Variants in PRKN observed in about 807,000 individuals in gnomAD.
PRKN encodes parkin RBR E3 ubiquitin protein ligase.
A neutral mutation model predicts 59.5 loss-of-function variants in PRKN; 56 were observed. The ratio of observed to expected loss-of-function variants is 0.94; its 90% CI spans 0.76 to 1.18. The LOEUF (loss-of-function observed/expected upper bound fraction) is 1.18. Among genes scored for constraint, PRKN ranks in the 50% most tolerant of loss-of-function variants. The probability of loss-of-function intolerance (pLI) is 0.00; values close to 1 mark genes in which losing one functional copy is unlikely to be tolerated. For missense variants in PRKN, 657 were observed against 596.4 expected, an observed-to-expected ratio of 1.10 and a Z score of -1.06; for synonymous variants, 250 against 222.1, an observed-to-expected ratio of 1.13 and a Z score of -1.12.
intron 6 of PRKN, among the ~76,000 whole-genome samples, chr6:161,906,996 C>T (rs1778175002): frequency 6.6e-6 from 1 of 152,060 alleles, no homozygotes; most frequent in Non-Finnish European, 1.5e-5. Flanking sequence ...TCTGCCTCTC[C>T]CAGTCCACTG....
intron 6 of PRKN, among the ~76,000 whole-genome samples, chr6:161,962,752 GTCTTGAAC>G: frequency 6.6e-6 from 1 of 151,730 alleles, no homozygotes; most frequent in African/African-American, 2.4e-5. Context: ...TGTCAGGCTG[GTCTTGAAC>G]TCCTGACCTC....
intron 7 of PRKN, among the ~76,000 whole-genome samples, chr6:161,694,110 G>A (rs746135112): frequency 2.6e-5 from 4 of 152,158 alleles, no homozygotes; most frequent in African/African-American, 7.2e-5. Context: ...CTTGACACAC[G>A]AAAGCCCCTT....
intron 6 of PRKN, among the ~76,000 whole-genome samples, chr6:161,952,979 G>A (rs1231933115): frequency 1.3e-5 from 2 of 152,148 alleles, no homozygotes; most frequent in South Asian, 2.1e-4. Flanking sequence ...ACATGCCCAC[G>A]TGAGCAGAGA....
At chr6:162,346,049 C>A (rs143564144) in intron 2 of PRKN, among the ~76,000 whole-genome samples, 192 of 152,216 alleles carry the variant, frequency 1.3e-3, no homozygotes, top group Non-Finnish European at 2.0e-3. Context: ...GGAGAAAGGT[C>A]CTGACCAGAT....
intron 6 of PRKN, among the ~76,000 whole-genome samples, chr6:161,893,703 T>C (rs753921227): frequency 2.0e-5 from 3 of 152,174 alleles, no homozygotes; most frequent in Non-Finnish European, 2.9e-5. Flanking sequence ...TGGCAAATAA[T>C]AACTCAACAA....
At chr6:161,944,573 C>T (rs1779712414) in intron 6 of PRKN, among the ~76,000 whole-genome samples, 1 of 152,140 alleles carries the variant, frequency 6.6e-6, no homozygotes, top group African/African-American at 2.4e-5. Flanking sequence ...ATTGTCCTTT[C>T]CCCTAGATGA....
At chr6:162,505,038 T>C (rs1377404677) in intron 1 of PRKN, among the ~76,000 whole-genome samples, 1 of 152,092 alleles carries the variant, frequency 6.6e-6, no homozygotes, top group Non-Finnish European at 1.5e-5. Flanking sequence ...ATTCCGAAGA[T>C]ACTAAGGGAG....
At chr6:162,215,059 T>C (rs933562923) in intron 3 of PRKN, among the ~76,000 whole-genome samples, 1 of 152,108 alleles carries the variant, frequency 6.6e-6, no homozygotes. Context: ...GAAATACCAC[T>C]TCCTCTAGGA....
chr6:162,635,770 AC>A (rs1259244464), intron 1 of PRKN, among the ~76,000 whole-genome samples: 1 of 152,162 alleles, frequency 6.6e-6, no homozygotes, highest in East Asian at 1.9e-4. Context: ...TGATGATTCC[AC>A]CAATAATTGT....
rs548838597 is a variant in PRKN at position 162,051,628 on chromosome 6, C to G, written c.618+2463G>C. Among the ~76,000 whole-genome samples, 29 of 152,254 alleles carry G rather than the reference C, an allele frequency of 1.9e-4. No homozygotes were observed. The East Asian group carries it at 2.7e-3, about 14-fold the overall frequency. ...TGCCAAGGGCCACAGAGTTGTGAGG[C>G]CTTCGGGGGCGATGATGGACTTTCT... On this transcript the variant is annotated intron_variant, in intron 5 of 11. Coordinates refer to ENST00000366898, the MANE Select transcript of PRKN (RefSeq NM_004562.3).
At position 162,172,462 on chromosome 6, in the gene PRKN, CG is replaced by C. The variant is rs555292663; in HGVS notation, c.534+28668del. Among the ~76,000 whole-genome samples, 393 of 152,250 alleles carry C rather than the reference CG, an allele frequency of 2.6e-3. 5 individuals are homozygous for C. In the Middle Eastern group the frequency reaches 0.031, roughly 12 times the overall value. ...ACTCCTTCATCCAGCAGAGCCAGGC[CG>C]GCCCACACCCCACACTCTTACCACA... On this transcript the variant is annotated intron_variant, in intron 4 of 11. Coordinates refer to ENST00000366898, the MANE Select transcript of PRKN (RefSeq NM_004562.3).
rs397712852 is a variant in PRKN at position 162,491,105 on chromosome 6, G to GAA, written c.8-47634_8-47633dup. On this transcript the variant is annotated intron_variant, in intron 1 of 11. Transcript: ENST00000366898. ...GTGACAAGAGTGAAACTCTGTCTCA[G>GAA]AAAAAAAAAAAAAAATTAGCCAGGT... 6.3e-3 allele frequency among the ~76,000 whole-genome samples: 867 copies of GAA among 138,240 alleles called. 14 individuals are homozygous for GAA. Among genetic ancestry groups the GAA allele is most frequent in the African/African-American group, 0.02 (752 of 37,286 alleles). The allele number at this position is 138,240 out of a possible 152,430, so 90.7% of individuals were successfully genotyped here. A position where few individuals can be genotyped will look rare whatever the true frequency, so the allele number is the denominator to read the frequency against.
At chr6:161,506,914 T>A (rs1197697961) in intron 9 of PRKN, among the ~76,000 whole-genome samples, 1 of 152,122 alleles carries the variant, frequency 6.6e-6, no homozygotes, top group Non-Finnish European at 1.5e-5. Context: ...TGGGCAAGGC[T>A]GCCACGGAGC....
intron 6 of PRKN, among the ~76,000 whole-genome samples, chr6:161,965,904 G>C (rs1489267803): frequency 6.6e-6 from 1 of 152,022 alleles, no homozygotes; most frequent in Non-Finnish European, 1.5e-5. Context: ...GACAATAGAG[G>C]ACAAATGTCT....
chr6:162,247,013 A>G (rs1779227009), intron 3 of PRKN, among the ~76,000 whole-genome samples: 1 of 152,066 alleles, frequency 6.6e-6, no homozygotes, highest in Admixed American at 6.6e-5. Context: ...CCCTTTAGTT[A>G]TACATACTAT....
chr6:162,068,500 C>T (rs1430888149), intron 4 of PRKN, among the ~76,000 whole-genome samples: 7 of 152,170 alleles, frequency 4.6e-5, no homozygotes, highest in African/African-American at 7.2e-5. Flanking sequence ...TCCATTACAG[C>T]AAAACTAGCT....
At chr6:161,647,862 A>C (rs1784013176) in intron 7 of PRKN, among the ~76,000 whole-genome samples, 1 of 152,234 alleles carries the variant, frequency 6.6e-6, no homozygotes, top group Non-Finnish European at 1.5e-5. Flanking sequence ...AAACAAAATA[A>C]GAGCATGCAA....
chr6:161,580,037 G>A (rs1224479784), intron 7 of PRKN, among the ~76,000 whole-genome samples: 1 of 152,038 alleles, frequency 6.6e-6, no homozygotes, highest in Non-Finnish European at 1.5e-5. Context: ...TGTATATGCT[G>A]GGGTGAGATA....
intron 4 of PRKN, among the ~76,000 whole-genome samples, chr6:162,093,888 A>G (rs1779615880): frequency 6.6e-6 from 1 of 152,206 alleles, no homozygotes; most frequent in Non-Finnish European, 1.5e-5. Context: ...GCAGACTCAG[A>G]ATAGATGTTC....
Sources: allele counts gnomAD v4.1 joint callset (sites outside exome capture counted in the v4.1 genomes callset), GRCh38; gene constraint gnomAD v4.1.1; transcripts MANE v1.5; gene names NCBI Gene and HGNC (gene_info 2026-07-23, HGNC 2026-07-21).